The following JAK1 variants were observed in gnomAD, a reference collection of about 807,000 sequenced individuals.
The protein encoded by JAK1 is tyrosine-protein kinase JAK1.
In JAK1, 16 loss-of-function variants were observed where a neutral mutation model predicts 136.6. That is an observed-to-expected ratio of 0.12 (90% CI 0.08 to 0.18). The LOEUF (loss-of-function observed/expected upper bound fraction) is 0.18. Among genes scored for constraint, JAK1 ranks in the 10% least tolerant of loss-of-function variants. JAK1 has a pLI of 1.00. For synonymous variants in JAK1, 492 were observed against 519.5 expected (o/e 0.95, Z 0.72); for missense variants, 859 against 1,450.1 (o/e 0.59, Z 6.62).
intron 2 of JAK1, chr1:64,985,162 C>A: frequency 7.3e-7 from 1 of 1,377,608 alleles, no homozygotes; most frequent in Non-Finnish European, 1.0e-6. Context: ...TTAACCACAC[C>A]CACACCAATG....
chr1:65,050,461 G>C (rs1362476593), intron 1 of JAK1, among the ~76,000 whole-genome samples: 1 of 152,166 alleles, frequency 6.6e-6, no homozygotes, highest in African/African-American at 2.4e-5. Context: ...AGAAGGAAAT[G>C]CATCTGACAC....
At chr1:65,067,190 A>C (rs1248823897) in intron 1 of JAK1, among the ~76,000 whole-genome samples, 1 of 148,628 alleles carries the variant, frequency 6.7e-6, no homozygotes, top group Non-Finnish European at 1.5e-5. Flanking sequence ...GCCTACCCCG[A>C]GGTGGCGAAC....
At chr1:65,030,033 T>C (rs1426300448) in intron 2 of JAK1, among the ~76,000 whole-genome samples, 1 of 152,040 alleles carries the variant, frequency 6.6e-6, no homozygotes, top group Admixed American at 6.6e-5. Context: ...TAATCCCCCA[T>C]GTGATGGTAT....
intron 4 of JAK1, among the ~76,000 whole-genome samples, chr1:64,876,949 T>A (rs1553163669): frequency 6.6e-6 from 1 of 152,216 alleles, no homozygotes; most frequent in Non-Finnish European, 1.5e-5. Flanking sequence ...TAGGCTTCTA[T>A]AAAATGTTTT....
upstream of JAK1, among the ~76,000 whole-genome samples, chr1:64,966,705 C>T (rs1459534928): frequency 6.6e-6 from 1 of 150,888 alleles, no homozygotes; most frequent in Admixed American, 6.6e-5. Context: ...ACCCGCCCCG[C>T]CCCCATCCGG....
chr1:65,047,018 C>G (rs1224576103), intron 1 of JAK1, among the ~76,000 whole-genome samples: 1 of 151,250 alleles, frequency 6.6e-6, no homozygotes, highest in Non-Finnish European at 1.5e-5. Flanking sequence ...CAGTGAGATC[C>G]CATCGCTATA....
chr1:64,850,146 C>T (rs1655495862), intron 12 of JAK1, among the ~76,000 whole-genome samples: 1 of 152,160 alleles, frequency 6.6e-6, no homozygotes, highest in South Asian at 2.1e-4. Flanking sequence ...CTCCCTGATA[C>T]CCCAACGCGT....
intron 1 of JAK1, among the ~76,000 whole-genome samples, chr1:64,958,697 A>T (rs1269829244): frequency 6.6e-6 from 1 of 152,194 alleles, no homozygotes; most frequent in Non-Finnish European, 1.5e-5. Flanking sequence ...CTTTTCTCTT[A>T]GTACAATATA....
intron 2 of JAK1, among the ~76,000 whole-genome samples, chr1:65,017,300 C>T (rs1260342142): frequency 6.6e-6 from 1 of 152,014 alleles, no homozygotes; most frequent in Admixed American, 6.6e-5. Context: ...GAAACCCTGT[C>T]TCTACTAAAA....
At chr1:64,923,039 A>G (rs542752626) in intron 1 of JAK1, among the ~76,000 whole-genome samples, 12 of 152,284 alleles carry the variant, frequency 7.9e-5, no homozygotes, top group Non-Finnish European at 1.5e-4. Context: ...AGCCAATGTG[A>G]CTCTGTGGAT....
intron 1 of JAK1, among the ~76,000 whole-genome samples, chr1:64,919,446 T>C (rs947916949): frequency 6.6e-6 from 1 of 152,230 alleles, no homozygotes; most frequent in African/African-American, 2.4e-5. Flanking sequence ...TTCCAAGTCT[T>C]TGCTATTGTG....
chr1:65,053,642 G>A (rs1483943388), intron 1 of JAK1, among the ~76,000 whole-genome samples: 1 of 152,142 alleles, frequency 6.6e-6, no homozygotes, highest in Non-Finnish European at 1.5e-5. Flanking sequence ...CTTGAGCCCA[G>A]GAGTTCAAGA....
chr1:64,985,611 A>G, intron 2 of JAK1: 1 of 863,074 alleles, frequency 1.2e-6, no homozygotes, highest in Non-Finnish European at 1.9e-6. Context: ...TCCAACAACA[A>G]TGCCCAGCTG....
At chr1:64,938,192 GA>G (rs958248774) in intron 1 of JAK1, among the ~76,000 whole-genome samples, 2 of 145,664 alleles carry the variant, frequency 1.4e-5, no homozygotes, top group Non-Finnish European at 1.5e-5. Flanking sequence ...TTTCATGGCT[GA>G]AAAAAAAAAG....
chr1:65,067,222 G>A (rs1038165361), intron 1 of JAK1, among the ~76,000 whole-genome samples: 5 of 150,866 alleles, frequency 3.3e-5, no homozygotes, highest in African/African-American at 1.2e-4. Flanking sequence ...CCCGGAGGAG[G>A]CTGAAGGCAG....
At position 64,844,869 on chromosome 1, in the gene JAK1, A is replaced by G. The variant is rs1655130346; in HGVS notation, c.2136T>C (p.His712=). 1 of 1,614,168 alleles carries G rather than the reference A, an allele frequency of 6.2e-7. No individual in the cohort carries two copies. Among genetic ancestry groups the G allele is most frequent in the Non-Finnish European group, 8.5e-7 (1 of 1,180,016 alleles). The change falls in exon 16 of 25, where the codon CAT becomes CAC. Residue 712 remains histidine, a synonymous_variant. Transcript: ENST00000342505. The surrounding 1 kb of genome is among the most constrained non-coding windows in gnomAD (Gnocchi z 5.7). ...LSYLEDKDLV[H]GNVCTKNLLL... ...GGAGGTTTTTAGTACACACATTTCC[A>G]TGGACCAGGTCTTTATCCTCCTGCA...
intron 19 of JAK1, among the ~76,000 whole-genome samples, chr1:64,840,727 G>A (rs150880545): frequency 1.1e-3 from 170 of 152,228 alleles, no homozygotes; most frequent in African/African-American, 4.0e-3. Context: ...AGCTACTCAG[G>A]AGGCTGAGGC....
chr1:64,985,967 G>T, intron 2 of JAK1: 1 of 1,174,246 alleles, frequency 8.5e-7, no homozygotes, highest in Non-Finnish European at 1.3e-6. Flanking sequence ...TCAAAGTGTT[G>T]ATAAATTCCC....
intron 1 of JAK1, chr1:65,058,529 G>C (rs769143503): frequency 3.8e-6 from 2 of 532,016 alleles, no homozygotes; most frequent in Non-Finnish European, 7.7e-6. Flanking sequence ...CACTGTGTCG[G>C]TCAACGGCAT....
Sources: allele counts gnomAD v4.1 joint callset (sites outside exome capture counted in the v4.1 genomes callset), GRCh38; gene constraint gnomAD v4.1.1; non-coding constraint Gnocchi (gnomAD v3.1); transcripts MANE v1.5; gene names NCBI Gene and HGNC (gene_info 2026-07-23, HGNC 2026-07-21).